RNF150: variants seen among roughly 807,000 people sequenced by gnomAD.
RNF150 encodes ring finger protein 150.
RNF150 carries 24 observed loss-of-function variants against 39.3 expected under a neutral mutation model. The observed-to-expected ratio is 0.61, with a 90% CI of 0.44 to 0.86. The LOEUF is 0.86. Among genes scored for constraint, RNF150 ranks in the 40% least tolerant of loss-of-function variants. RNF150 has a pLI of 0.00. For synonymous variants in RNF150, 255 were observed against 227.3 expected (o/e 1.12, Z -1.10); for missense variants, 502 against 587.8 (o/e 0.85, Z 1.51).
At chr4:141,110,977 A>G (rs1263491043) in intron 1 of RNF150, among the ~76,000 whole-genome samples, 1 of 152,180 alleles carries the variant, frequency 6.6e-6, no homozygotes, top group Non-Finnish European at 1.5e-5. Flanking sequence ...AGTGTACTAC[A>G]GGACAAAACC....
At chr4:141,124,126 G>A (rs549263191) in intron 1 of RNF150, among the ~76,000 whole-genome samples, 12 of 152,278 alleles carry the variant, frequency 7.9e-5, no homozygotes, top group East Asian at 7.7e-4. Context: ...TTGCTGAGGC[G>A]CCCCACTGCA....
Position 140,867,295 on chromosome 4 carries a change from C to G in RNF150, c.*966G>C, listed in dbSNP as rs974621209. The G allele has an allele frequency of 2.0e-5, 3 of 152,158 alleles. No homozygotes were observed. Among genetic ancestry groups the G allele is most frequent in the African/African-American group, 7.2e-5 (3 of 41,426 alleles). 9.4% of individuals were successfully genotyped at this position (152,158 alleles called of 1,614,324 possible). A position where few individuals can be genotyped will look rare whatever the true frequency, so the allele number is the denominator to read the frequency against. On this transcript the variant is annotated 3_prime_UTR_variant, in exon 7 of 7. Transcript: ENST00000515673. ...CTCCATTTTTTACAGAACCCACTTA[C>G]AGAGGTAAGAAAAAAACTGTTCTAG...
chr4:141,083,208 T>C (rs1192660239), intron 1 of RNF150, among the ~76,000 whole-genome samples: 4 of 152,164 alleles, frequency 2.6e-5, no homozygotes, highest in African/African-American at 9.7e-5. Flanking sequence ...CATAGGGCGA[T>C]TTCCCAGAAA....
At chr4:140,976,859 C>A (rs1191606000) in intron 1 of RNF150, among the ~76,000 whole-genome samples, 4 of 152,042 alleles carry the variant, frequency 2.6e-5, no homozygotes, top group South Asian at 2.1e-4. Flanking sequence ...CACAAGTCAC[C>A]TTTTTTTCAC....
In RNF150 at chr4:140,867,092, A is replaced by G. The variant is rs1031960455; in HGVS notation, c.*1169T>C. On this transcript the variant is annotated 3_prime_UTR_variant, in exon 7 of 7. Transcript: ENST00000515673. Reference sequence around the variant, plus strand: ...AATCACACCTCATTCCTCACTTGGTATCTGGACACACTCAGGGAGCCCTGG... The same window carrying G: ...AATCACACCTCATTCCTCACTTGGTGTCTGGACACACTCAGGGAGCCCTGG... 1.3e-5 allele frequency: 2 copies of G among 152,184 alleles called. No homozygotes were observed. Among genetic ancestry groups the G allele is most frequent in the African/African-American group, 4.8e-5 (2 of 41,442 alleles). The allele number at this position is 152,184 out of a possible 1,614,324, so 9.4% of individuals were successfully genotyped here.
intron 6 of RNF150, among the ~76,000 whole-genome samples, chr4:140,902,180 G>A (rs1730212242): frequency 6.6e-6 from 1 of 152,126 alleles, no homozygotes; most frequent in African/African-American, 2.4e-5. Context: ...TTATAGTAGT[G>A]GCAGAGGGAA....
chr4:141,202,652 C>T (rs993209612), intron 1 of RNF150, among the ~76,000 whole-genome samples: 7 of 151,760 alleles, frequency 4.6e-5, no homozygotes, highest in Admixed American at 1.3e-4. Flanking sequence ...GCTTTCAAAA[C>T]CAGTTTGTGA....
chr4:140,941,160 C>T (rs1405216322), intron 4 of RNF150, among the ~76,000 whole-genome samples: 1 of 152,154 alleles, frequency 6.6e-6, no homozygotes, highest in Non-Finnish European at 1.5e-5. Flanking sequence ...ACAAATTTGG[C>T]TCTTAGATTT....
intron 1 of RNF150, among the ~76,000 whole-genome samples, chr4:141,130,055 C>T (rs2111105748): frequency 6.6e-6 from 1 of 152,326 alleles, no homozygotes; most frequent in African/African-American, 2.4e-5. Flanking sequence ...TGATTAGCAT[C>T]TAAAATGTGC....
intron 1 of RNF150, among the ~76,000 whole-genome samples, chr4:141,168,644 G>A (rs1727642916): frequency 6.6e-6 from 1 of 152,152 alleles, no homozygotes; most frequent in Non-Finnish European, 1.5e-5. Flanking sequence ...ATCCTTTGCA[G>A]GTACATGGAT....
rs1161999210 is a variant in RNF150, at chr4:140,947,697, C to T, written c.847G>A (p.Glu283Lys). ...ACAACGTCATTGGGCTTGTACCCTT[C>T]AATACAAACTGCACAGTTGTCAAAA... is the stretch of plus-strand genomic sequence containing the variant. Reference protein sequence around the residue: ...SDFDNCAVCIEGYKPNDVVRI... With the variant: ...SDFDNCAVCIKGYKPNDVVRI... The change falls in exon 4 of 7, where the codon GAA becomes AAA. Residue 283 changes from glutamate (E) to lysine (K), a missense_variant. Coordinates refer to ENST00000515673, the MANE Select transcript of RNF150 (RefSeq NM_020724.2). 6.2e-7 allele frequency: 1 copy of T among 1,605,714 alleles called. No individual in the cohort carries two copies. Among genetic ancestry groups the T allele is most frequent in the Non-Finnish European group, 8.5e-7 (1 of 1,177,018 alleles).
intron 1 of RNF150, among the ~76,000 whole-genome samples, chr4:141,163,882 AC>A (rs1393638743): frequency 6.6e-6 from 1 of 152,074 alleles, no homozygotes; most frequent in Non-Finnish European, 1.5e-5. Flanking sequence ...AATTCCAAAA[AC>A]CAGAATGCTT....
intron 1 of RNF150, among the ~76,000 whole-genome samples, chr4:141,097,464 T>C (rs1031280537): frequency 1.3e-5 from 2 of 152,330 alleles, no homozygotes; most frequent in Admixed American, 6.5e-5. Context: ...AAATACTAAG[T>C]AATAAGATAG....
chr4:141,073,689 G>T (rs745350196), intron 1 of RNF150, among the ~76,000 whole-genome samples: 33 of 152,032 alleles, frequency 2.2e-4, no homozygotes, highest in Non-Finnish European at 4.0e-4. Context: ...GGGAAAAATG[G>T]CAGGCAAGTA....
At chr4:141,003,444 A>C (rs1734745430) in intron 1 of RNF150, among the ~76,000 whole-genome samples, 1 of 152,166 alleles carries the variant, frequency 6.6e-6, no homozygotes, top group African/African-American at 2.4e-5. Context: ...GGAATGAGAA[A>C]GTAAGAGAAA....
Position 140,967,790 on chromosome 4 carries a change from T to C in RNF150, c.568A>G (p.Thr190Ala). ...CGGGTTCCGATGGTGATGTACATTG[T>C]CACGGTGATGTTTCTTTCCAGCAGG... is the stretch of plus-strand genomic sequence containing the variant. The part of the protein sequence containing the change: ...VSLLERNITV[T>A]MYITIGTRNL... The change falls in exon 2 of 7, where the codon ACA (threonine) becomes GCA (alanine). Residue 190 changes from threonine (T) to alanine (A), a missense_variant. Thr to Ala is a moderately conservative substitution (Grantham distance 58). Transcript: ENST00000515673. 6.2e-7 allele frequency: 1 copy of C among 1,613,598 alleles called. No homozygotes were observed. Among genetic ancestry groups the C allele is most frequent in the Non-Finnish European group, 8.5e-7 (1 of 1,179,658 alleles).
At chr4:141,116,730 G>A (rs543752570) in intron 1 of RNF150, among the ~76,000 whole-genome samples, 3 of 152,248 alleles carry the variant, frequency 2.0e-5, no homozygotes, top group Non-Finnish European at 2.9e-5. Flanking sequence ...GCAAAGACTT[G>A]GAACCAACCC....
chr4:141,134,786 C>T (rs1036775768), upstream of RNF150, among the ~76,000 whole-genome samples: 3 of 152,220 alleles, frequency 2.0e-5, no homozygotes, highest in Non-Finnish European at 4.4e-5. Context: ...AAAGTGGAGA[C>T]ACCTGGCTGC....
chr4:140,967,457 TA>T (rs1442309393), intron 2 of RNF150, among the ~76,000 whole-genome samples, 165 bp downstream of exon 2: 1 of 152,108 alleles, frequency 6.6e-6, no homozygotes, highest in African/African-American at 2.4e-5. Flanking sequence ...AACATCAAAA[TA>T]GATATATTTG....
Sources: allele counts gnomAD v4.1 joint callset (sites outside exome capture counted in the v4.1 genomes callset), GRCh38; gene constraint gnomAD v4.1.1; transcripts MANE v1.5; gene names NCBI Gene and HGNC (gene_info 2026-07-23, HGNC 2026-07-21).